Variants in HFE observed in about 807,000 individuals in gnomAD.
HFE encodes the protein homeostatic iron regulator.
HFE carries 36 observed loss-of-function variants against 40.9 expected under a neutral mutation model. The ratio of observed to expected loss-of-function variants is 0.88; its 90% CI spans 0.67 to 1.16. HFE has a LOEUF of 1.16. Among genes scored for constraint, HFE ranks in the 50% most tolerant of loss-of-function variants. HFE has a pLI of 0.00. For missense variants in HFE, 376 were observed against 432.0 expected (o/e 0.87, Z 1.15); for synonymous variants, 157 against 165.4 (o/e 0.95, Z 0.39).
In HFE at chr6:26,092,798, C is replaced by T. The variant is rs753420857; in HGVS notation, c.730C>T (p.Gln244Ter). Residue 244 changes from glutamine to a stop codon, truncating the protein, a stop_gained, in exon 4 of 6, where the codon CAG becomes TAG. Transcript: ENST00000357618. LOFTEE classifies it high-confidence loss of function. ...CACCATGAAGTGGCTGAAGGATAAG[C>T]AGCCAATGGATGCCAAGGAGTTCGA... ...NITMKWLKDK[Q>*]PMDAKEFEPK... 1.2e-6 allele frequency: 2 copies of T among 1,614,232 alleles called. No homozygotes were observed. The highest frequency in any genetic ancestry group is 1.1e-5 in the South Asian group (1 of 91,090).
chr6:26,092,554 C>A, intron 3 of HFE, 131 bp from the exon 4 acceptor site: 1 of 1,541,196 alleles, frequency 6.5e-7, no homozygotes, highest in Non-Finnish European at 8.9e-7. Flanking sequence ...AAAATGGTGT[C>A]TCTCCTGTAG....
intron 3 of HFE, 130 bp downstream of exon 3, chr6:26,091,719 C>T: frequency 1.1e-6 from 1 of 880,532 alleles, no homozygotes; most frequent in Non-Finnish European, 1.8e-6. Flanking sequence ...TGGGAAGGGA[C>T]TTTCTCAATC....
rs1476843220 is a variant in HFE at position 26,094,324 on chromosome 6, C to T, written c.*98C>T. The stretch of plus-strand genomic sequence containing the variant: ...CTTCATGTTTCAGGAGAGAGTTGAA[C>T]CTAAACATAGAAATTGCCTGACGAA... On this transcript the variant is annotated 3_prime_UTR_variant, in exon 6 of 6. Transcript: ENST00000357618. 4.4e-6 allele frequency: 5 copies of T among 1,136,912 alleles called. No individual in the cohort carries two copies. In the African/African-American group the frequency reaches 4.6e-5, roughly 10 times the overall value. 70.4% of individuals were successfully genotyped at this position (1,136,912 alleles called of 1,614,324 possible).
rs1762935641 is a variant in HFE, at chr6:26,094,613, T to G, written c.*387T>G. The stretch of plus-strand genomic sequence containing the variant: ...ATTCATTTTAACATCTGAGAAAAGC[T>G]TTGAACCCTGGGACGTGGCTAGTCA... On this transcript the variant is annotated 3_prime_UTR_variant, in exon 6 of 6. Transcript: ENST00000357618. 1 of 619,578 alleles carries G rather than the reference T, an allele frequency of 1.6e-6. No individual in the cohort carries two copies. 38.4% of individuals were successfully genotyped at this position (619,578 alleles called of 1,614,324 possible). A position where few individuals can be genotyped will look rare whatever the true frequency, so the allele number is the denominator to read the frequency against.
chr6:26,087,631 C>A, intron 1 of HFE, 115 bp downstream of exon 1: 1 of 806,808 alleles, frequency 1.2e-6, no homozygotes, highest in Non-Finnish European at 2.0e-6. Context: ...TCAACCCTAT[C>A]CGCAAGCCCC....
rs1293211209 is a variant in HFE, at chr6:26,092,785, G to T, written c.717G>T (p.Trp239Cys). The T allele has an allele frequency of 6.2e-7, 1 of 1,614,184 alleles. No individual in the cohort carries two copies. The highest frequency in any genetic ancestry group is 8.5e-7 in the Non-Finnish European group (1 of 1,180,024). Residue 239 changes from tryptophan to cysteine, a missense_variant, in exon 4 of 6, where the codon TGG (tryptophan) becomes TGT (cysteine). Trp to Cys is a radical substitution (Grantham distance 215). Coordinates refer to ENST00000357618, the MANE Select transcript of HFE (RefSeq NM_000410.4). ...NYYPQNITMK[W>C]LKDKQPMDAK... ...ACCCCCAGAACATCACCATGAAGTGGCTGAAGGATAAGCAGCCAATGGATG... is the reference window on the plus strand; with the variant it reads ...ACCCCCAGAACATCACCATGAAGTGTCTGAAGGATAAGCAGCCAATGGATG...
In HFE at chr6:26,097,784, A is replaced by G. The variant is rs1763095487; in HGVS notation, c.*3558A>G. The G allele has an allele frequency of 6.6e-6, 1 of 152,222 alleles. No individual in the cohort carries two copies. The highest frequency in any genetic ancestry group is 1.5e-5 in the Non-Finnish European group (1 of 68,044). The allele number at this position is 152,222 out of a possible 1,614,324, so 9.4% of individuals were successfully genotyped here. On this transcript the variant is annotated 3_prime_UTR_variant, in exon 6 of 6. Coordinates refer to ENST00000357618, the MANE Select transcript of HFE (RefSeq NM_000410.4). Reference sequence around the variant, plus strand: ...CTGAGAGGTACAGGCCAAAATTCTTATGTTGTATTATAATAATGTCATCTT... The same window carrying G: ...CTGAGAGGTACAGGCCAAAATTCTTGTGTTGTATTATAATAATGTCATCTT...
In HFE at chr6:26,097,647, A is replaced by G. The variant is rs1291697110; in HGVS notation, c.*3421A>G. ...CAAGAAACTACTTACCAGCTATTTG[A>G]ATTGCTGGAATCACAGGCCATTGCT... On this transcript the variant is annotated 3_prime_UTR_variant, in exon 6 of 6. Coordinates refer to ENST00000357618, the MANE Select transcript of HFE (RefSeq NM_000410.4). 1.3e-5 allele frequency: 2 copies of G among 152,198 alleles called. No homozygotes were observed. The highest frequency in any genetic ancestry group is 4.8e-5 in the African/African-American group (2 of 41,438). 9.4% of individuals were successfully genotyped at this position (152,198 alleles called of 1,614,324 possible). A position where few individuals can be genotyped will look rare whatever the true frequency, so the allele number is the denominator to read the frequency against.
intron 4 of HFE, 27 bp downstream of exon 4, chr6:26,092,987 T>C: frequency 6.2e-7 from 1 of 1,613,904 alleles, no homozygotes; most frequent in Non-Finnish European, 8.5e-7. Context: ...AGCCAGGAGC[T>C]GAGAAAATCT....
rs1044459490 is a variant in HFE at position 26,095,209 on chromosome 6, G to T, written c.*983G>T. On this transcript the variant is annotated 3_prime_UTR_variant, in exon 6 of 6. Coordinates refer to ENST00000357618, the MANE Select transcript of HFE (RefSeq NM_000410.4). Reference sequence around the variant, plus strand: ...TTTTTAAATGAAGAAAGTGAAGTAGGCCGGGCACGGTGGCTCACGCCTGTA... The same window carrying T: ...TTTTTAAATGAAGAAAGTGAAGTAGTCCGGGCACGGTGGCTCACGCCTGTA... 6.6e-6 allele frequency: 1 copy of T among 152,246 alleles called. No individual in the cohort carries two copies. The highest frequency in any genetic ancestry group is 1.5e-5 in the Non-Finnish European group (1 of 68,084). 9.4% of individuals were successfully genotyped at this position (152,246 alleles called of 1,614,324 possible). A position where few individuals can be genotyped will look rare whatever the true frequency, so the allele number is the denominator to read the frequency against.
rs147519426 is a variant in HFE at position 26,093,170 on chromosome 6, T to G, written c.944T>G (p.Val315Gly). 7.4e-6 allele frequency: 12 copies of G among 1,614,068 alleles called. No individual in the cohort carries two copies. In the African/African-American group the frequency reaches 1.3e-4, roughly 18 times the overall value. ...ATTGGAGTCATCAGTGGAATTGCTG[T>G]TTTTGTCGTCATCTTGTTCATTGGA... ...LVIGVISGIA[V>G]FVVILFIGIL... The change falls in exon 5 of 6, where the codon GTT (valine) becomes GGT (glycine). Residue 315 changes from valine (V) to glycine (G), a missense_variant. Val to Gly is a moderately radical substitution (Grantham distance 109). Around this residue, in one of 3 missense-constraint regions of HFE, gnomAD observed 173 missense variants for 186.9 expected, o/e 0.93. Coordinates refer to ENST00000357618, the MANE Select transcript of HFE (RefSeq NM_000410.4).
At chr6:26,092,585 G>A (rs1385534507) in intron 3 of HFE, 100 bp from the exon 4 acceptor site, 1 of 1,609,532 alleles carries the variant, frequency 6.2e-7, no homozygotes, top group South Asian at 1.1e-5. Context: ...TCTGAAAAGG[G>A]TATTTCCTTC....
At position 26,097,654 on chromosome 6, in the gene HFE, G is replaced by C. The variant is rs1763091700; in HGVS notation, c.*3428G>C. ...CTACTTACCAGCTATTTGAATTGCT[G>C]GAATCACAGGCCATTGCTGAGCTGC... On this transcript the variant is annotated 3_prime_UTR_variant, in exon 6 of 6. Transcript: ENST00000357618. The C allele has an allele frequency of 6.6e-6, 1 of 152,136 alleles. No individual in the cohort carries two copies. Among genetic ancestry groups the C allele is most frequent in the Non-Finnish European group, 1.5e-5 (1 of 68,034 alleles). 9.4% of individuals were successfully genotyped at this position (152,136 alleles called of 1,614,324 possible).
At chr6:26,093,298 G>A (rs1762864812) in intron 5 of HFE, 66 bp downstream of exon 5, 1 of 1,109,286 alleles carries the variant, frequency 9.0e-7, no homozygotes, top group South Asian at 1.2e-5. Context: ...AAGAGGGGCA[G>A]AGGGGATCTG....
chr6:26,092,400 A>G (rs1008986537), intron 3 of HFE, among the ~76,000 whole-genome samples: 22 of 152,152 alleles, frequency 1.4e-4, no homozygotes, highest in African/African-American at 5.3e-4. Context: ...TCTGTATTCA[A>G]TCATTTTCAA....
rs147297176 is a variant in HFE at position 26,090,938 on chromosome 6, C to T, written c.174C>T (p.Phe58=). The change falls in exon 2 of 6, where the codon TTC becomes TTT. Residue 58 remains phenylalanine (F), a synonymous_variant. Transcript: ENST00000357618. ...TGGGCTACGTGGATGACCAGCTGTT[C>T]GTGTTCTATGATCATGAGAGTCGCC... ...EALGYVDDQL[F]VFYDHESRRV... 3.0e-5 allele frequency: 49 copies of T among 1,614,078 alleles called. No individual in the cohort carries two copies. The African/African-American group carries it at 4.7e-4, about 15-fold the overall frequency.
At chr6:26,091,204 G>A (rs1762677782) in intron 2 of HFE, 100 bp downstream of exon 2, 4 of 1,601,552 alleles carry the variant, frequency 2.5e-6, no homozygotes, top group Middle Eastern at 1.7e-4. Flanking sequence ...TCTTGTGGGA[G>A]CAGGGAAGAG....
chr6:26,092,978 G>A lies in HFE; in HGVS notation c.892+18G>A. 1.9e-6 allele frequency: 3 copies of A among 1,613,984 alleles called. No homozygotes were observed. The highest frequency in any genetic ancestry group is 2.5e-6 in the Non-Finnish European group (3 of 1,180,040). ...GATCTGGGGTATGTGACTGATGAGA[G>A]CCAGGAGCTGAGAAAATCTATTGGG... On this transcript the variant is annotated intron_variant, in intron 4 of 5. Transcript: ENST00000357618.
Position 26,094,332 on chromosome 6 carries a change from T to C in HFE, c.*106T>C. 8 of 1,055,654 alleles carry C rather than the reference T, an allele frequency of 7.6e-6. No homozygotes were observed. The highest frequency in any genetic ancestry group is 1.2e-5 in the Non-Finnish European group (8 of 686,294). The allele number at this position is 1,055,654 out of a possible 1,614,324, so 65.4% of individuals were successfully genotyped here. On this transcript the variant is annotated 3_prime_UTR_variant, in exon 6 of 6. Transcript: ENST00000357618. ...TTCAGGAGAGAGTTGAACCTAAACA[T>C]AGAAATTGCCTGACGAACTCCTTGA...
Sources: allele counts gnomAD v4.1 joint callset (sites outside exome capture counted in the v4.1 genomes callset), GRCh38; gene constraint gnomAD v4.1.1; regional missense constraint gnomAD v4.1.1; transcripts MANE v1.5; gene names NCBI Gene and HGNC (gene_info 2026-07-23, HGNC 2026-07-21).